Variants in KRABD2 observed in about 807,000 individuals in gnomAD.
KRABD2 encodes the protein KRAB domain containing 2, also known as KRAB domain-containing protein 2.
At chr17:8,361,247 G>A in the KRABD2 span, among the ~76,000 whole-genome samples, 1 of 152,150 alleles carries the variant, frequency 6.6e-6, no homozygotes, top group Non-Finnish European at 1.5e-5. Flanking sequence ...GCTCAGGCTG[G>A]GGTTCTAGAA....
chr17:8,376,222 T>C, the KRABD2 span: 1 of 1,230,916 alleles, frequency 8.1e-7, no homozygotes, highest in African/African-American at 1.6e-5. Context: ...CGCTTACAGG[T>C]AGGTCGTTAT....
chr17:8,375,098 G>A, the KRABD2 span, among the ~76,000 whole-genome samples: 1 of 151,316 alleles, frequency 6.6e-6, no homozygotes, highest in South Asian at 2.1e-4. Flanking sequence ...TGCCAGCTCC[G>A]CCTCCCGGGT....
chr17:8,361,880 G>A, the KRABD2 span, among the ~76,000 whole-genome samples: 1 of 152,298 alleles, frequency 6.6e-6, no homozygotes. Context: ...ATTGACCTTG[G>A]ACTTGACACT....
chr17:8,370,235 G>C, the KRABD2 span: 1 of 1,613,528 alleles, frequency 6.2e-7, no homozygotes. Context: ...ATACCTTGCT[G>C]TTGTAACTTT....
At chr17:8,364,759 C>T in the KRABD2 span, among the ~76,000 whole-genome samples, 2 of 152,030 alleles carry the variant, frequency 1.3e-5, no homozygotes, top group African/African-American at 4.8e-5. The surrounding 1 kb of genome is among the most constrained non-coding windows in gnomAD (Gnocchi z 4.4). Context: ...AAATGCCGGG[C>T]ACCATGGCTC....
chr17:8,362,691 C>T, the KRABD2 span, among the ~76,000 whole-genome samples: 369 of 152,302 alleles, frequency 2.4e-3, 3 homozygotes, highest in African/African-American at 8.4e-3. The surrounding 1 kb of genome is among the most constrained non-coding windows in gnomAD (Gnocchi z 4.2). Context: ...TGGGGAGTCT[C>T]CTTTTAAGAT....
the KRABD2 span, among the ~76,000 whole-genome samples, chr17:8,366,963 C>T: frequency 2.0e-5 from 3 of 151,758 alleles, no homozygotes; most frequent in Non-Finnish European, 2.9e-5. Flanking sequence ...CTCAAGTGAT[C>T]GGCCGCCTAA....
the KRABD2 span, chr17:8,367,162 G>C: frequency 1.3e-5 from 2 of 152,178 alleles, no homozygotes; most frequent in African/African-American, 4.8e-5. Flanking sequence ...TTGTTTTGCA[G>C]ACATATACTT....
chr17:8,369,748 T>C, the KRABD2 span: 1 of 1,614,208 alleles, frequency 6.2e-7, no homozygotes, highest in Non-Finnish European at 8.5e-7. Context: ...ATAAACTTGG[T>C]TGAGTGATCC....
chr17:8,371,578 A>G, the KRABD2 span: 14 of 1,539,746 alleles, frequency 9.1e-6, no homozygotes, highest in Admixed American at 4.1e-5. Flanking sequence ...AATAAATGGA[A>G]GAAATAAGAA....
the KRABD2 span, among the ~76,000 whole-genome samples, chr17:8,364,347 TTTTC>T: frequency 1.3e-5 from 2 of 152,004 alleles, no homozygotes; most frequent in Admixed American, 1.3e-4. The surrounding 1 kb of genome is among the most constrained non-coding windows in gnomAD (Gnocchi z 4.4). Flanking sequence ...TGCTGGCCAT[TTTTC>T]TTTTTCTTTT....
At chr17:8,376,558 C>T in the KRABD2 span, 1 of 987,346 alleles carries the variant, frequency 1.0e-6, no homozygotes, top group East Asian at 1.1e-4. Context: ...CATGCCCGTC[C>T]ACCCGCCAGC....
the KRABD2 span, among the ~76,000 whole-genome samples, chr17:8,362,474 A>T: frequency 1.4e-4 from 21 of 152,242 alleles, no homozygotes; most frequent in African/African-American, 5.1e-4. This position sits in a 1 kb window ranked among gnomAD's most constrained non-coding sequence, Gnocchi z 4.2. Flanking sequence ...AAAGGTAACA[A>T]GAGCCTGTCC....
chr17:8,361,973 T>C, the KRABD2 span, among the ~76,000 whole-genome samples: 5 of 152,342 alleles, frequency 3.3e-5, no homozygotes, highest in African/African-American at 1.2e-4. Context: ...TTAATACACC[T>C]ATTTAAACTC....
chr17:8,372,151 T>C, the KRABD2 span: 1 of 863,832 alleles, frequency 1.2e-6, no homozygotes, highest in East Asian at 1.2e-4. This position sits in a 1 kb window ranked among gnomAD's most constrained non-coding sequence, Gnocchi z 4.1. Flanking sequence ...GGGGCCTGCT[T>C]CCAGGTCCGG....
chr17:8,375,641 C>T, the KRABD2 span: 1 of 153,976 alleles, frequency 6.5e-6, no homozygotes, highest in African/African-American at 2.4e-5. Flanking sequence ...ACCGCAGCCT[C>T]CCAAGTAGCT....
the KRABD2 span, chr17:8,370,188 AC>A: frequency 1.2e-6 from 2 of 1,612,704 alleles, no homozygotes; most frequent in Non-Finnish European, 1.7e-6. Flanking sequence ...AGCTTCTTTA[AC>A]TTCCTTTATT....
the KRABD2 span, among the ~76,000 whole-genome samples, chr17:8,366,001 G>A: frequency 6.6e-5 from 10 of 151,936 alleles, no homozygotes; most frequent in South Asian, 8.3e-4. Context: ...GTTGGCGGGC[G>A]CCTGTAATCC....
chr17:8,369,839 G>C, the KRABD2 span: 19 of 1,614,210 alleles, frequency 1.2e-5, no homozygotes, highest in South Asian at 2.0e-4. Flanking sequence ...TGGAGTCTAT[G>C]TCCTTAAAAG....
Sources: allele counts gnomAD v4.1 joint callset (sites outside exome capture counted in the v4.1 genomes callset), GRCh38; gene constraint gnomAD v4.1.1; non-coding constraint Gnocchi (gnomAD v3.1); transcripts MANE v1.5; gene names NCBI Gene and HGNC (gene_info 2026-07-23, HGNC 2026-07-21).